The following RUNX2 variants were observed in gnomAD, a reference collection of about 807,000 sequenced individuals.
RUNX2 encodes runt-related transcription factor 2.
Under a neutral mutation model 51.7 loss-of-function variants are expected in RUNX2, and 10 were observed. The ratio of observed to expected loss-of-function variants is 0.19; its 90% CI spans 0.12 to 0.33. RUNX2 has a LOEUF of 0.33. Ranked by LOEUF, RUNX2 falls within the 10% of genes least tolerant of loss-of-function variation. The pLI is 1.00. For synonymous variants in RUNX2, 276 were observed against 273.6 expected (o/e 1.01, Z -0.09); for missense variants, 562 against 691.3 (o/e 0.81, Z 2.10).
chr6:45,414,501 T>C (rs1179331831), intron 2 of RUNX2, among the ~76,000 whole-genome samples: 1 of 152,160 alleles, frequency 6.6e-6, no homozygotes, highest in Non-Finnish European at 1.5e-5. Context: ...TGTAAGTCCG[T>C]CTAGTGGAGA....
chr6:45,395,897 C>A (rs550963871), intron 2 of RUNX2, among the ~76,000 whole-genome samples: 2 of 152,298 alleles, frequency 1.3e-5, no homozygotes, highest in Admixed American at 1.3e-4. Flanking sequence ...AACTCCTGGC[C>A]TCAAGTGATC....
At chr6:45,350,044 C>T (rs566290664) in intron 2 of RUNX2, among the ~76,000 whole-genome samples, 1 of 152,212 alleles carries the variant, frequency 6.6e-6, no homozygotes, top group South Asian at 2.1e-4. Context: ...TGTAAAGATA[C>T]ATACAATTAA....
chr6:45,456,791 A>G (rs1271998143), intron 5 of RUNX2, among the ~76,000 whole-genome samples: 1 of 152,238 alleles, frequency 6.6e-6, no homozygotes, highest in Non-Finnish European at 1.5e-5. Context: ...GTTTGTAATA[A>G]CATTGATGAC....
chr6:45,377,951 G>C (rs1177716504), intron 2 of RUNX2: 1 of 152,592 alleles, frequency 6.6e-6, no homozygotes, highest in African/African-American at 2.4e-5. Context: ...GCGATGGGGG[G>C]GGTACAAGAT....
intron 7 of RUNX2, among the ~76,000 whole-genome samples, chr6:45,531,814 T>A (rs1401719070): frequency 6.6e-6 from 1 of 152,172 alleles, no homozygotes; most frequent in Admixed American, 6.5e-5. Context: ...TAAAGCTACT[T>A]AAATTTTGCA....
chr6:45,499,006 T>C lies in RUNX2; in HGVS notation c.859+6892T>C, dbSNP rs551594670. On this transcript the variant is annotated intron_variant, in intron 6 of 8. Coordinates refer to ENST00000647337, the MANE Select transcript of RUNX2 (RefSeq NM_001024630.4). ...TGGATGGACCCATAAGAGGCTCAGA[T>C]ACTGTTGGTGAGCAGGAAGAATGAC... Among the ~76,000 whole-genome samples the C allele has an allele frequency of 1.7e-4, 26 of 152,274 alleles. No individual in the cohort carries two copies. In the East Asian group the frequency reaches 5.0e-3, roughly 29 times the overall value.
intron 6 of RUNX2, among the ~76,000 whole-genome samples, chr6:45,492,804 T>C (rs1030861372): frequency 6.6e-6 from 1 of 152,224 alleles, no homozygotes; most frequent in African/African-American, 2.4e-5. Context: ...AACAGATTTA[T>C]TTAAAGACTC....
chr6:45,416,899 G>C (rs1798078561), intron 2 of RUNX2, among the ~76,000 whole-genome samples: 1 of 152,114 alleles, frequency 6.6e-6, no homozygotes, highest in African/African-American at 2.4e-5. Flanking sequence ...CCTGAATATG[G>C]CCCTTGGGAA....
At chr6:45,492,782 C>G (rs1800522213) in intron 6 of RUNX2, among the ~76,000 whole-genome samples, 1 of 152,162 alleles carries the variant, frequency 6.6e-6, no homozygotes, top group Admixed American at 6.5e-5. Context: ...CTTTTTGTCC[C>G]ACTTGTGCAA....
At chr6:45,506,729 C>T (rs138566129) in intron 6 of RUNX2, among the ~76,000 whole-genome samples, 1 of 152,148 alleles carries the variant, frequency 6.6e-6, no homozygotes, top group African/African-American at 2.4e-5. Flanking sequence ...GACTCAGTGC[C>T]TCCCAGGCTC....
intron 2 of RUNX2, among the ~76,000 whole-genome samples, chr6:45,340,443 C>A (rs963869055): frequency 2.0e-5 from 3 of 152,070 alleles, no homozygotes; most frequent in Admixed American, 6.6e-5. Flanking sequence ...CCCGACTCAG[C>A]ATCCCAGGTA....
intron 7 of RUNX2, among the ~76,000 whole-genome samples, chr6:45,541,330 T>C (rs1802222275): frequency 6.6e-6 from 1 of 152,128 alleles, no homozygotes. Context: ...AAAAGAGTGA[T>C]ATAGAAAATA....
chr6:45,549,428 A>G lies in RUNX2; in HGVS notation c.*2123A>G. ...TTCATCCTGACTCCTTCTAATAAAA[A>G]TGGATGGGAAAGCAAAACACTTTGC... On this transcript the variant is annotated 3_prime_UTR_variant, in exon 9 of 9. Coordinates refer to ENST00000647337, the MANE Select transcript of RUNX2 (RefSeq NM_001024630.4). 2.5e-6 allele frequency: 1 copy of G among 398,476 alleles called. No homozygotes were observed. The highest frequency in any genetic ancestry group is 4.4e-6 in the Non-Finnish European group (1 of 226,014). 24.7% of individuals were successfully genotyped at this position (398,476 alleles called of 1,614,324 possible).
chr6:45,512,689 A>G (rs1801198456), intron 7 of RUNX2, among the ~76,000 whole-genome samples: 1 of 152,112 alleles, frequency 6.6e-6, no homozygotes, highest in Non-Finnish European at 1.5e-5. Flanking sequence ...TTTGGTGGGC[A>G]CTGTCTCATA....
rs56187850 is a variant in RUNX2, at chr6:45,394,951, G to T, written c.59-27642G>T. Among the ~76,000 whole-genome samples, 1,006 of 152,216 alleles carry T rather than the reference G, an allele frequency of 6.6e-3. 9 individuals carry two copies. The highest frequency in any genetic ancestry group is 0.01 in the Non-Finnish European group (704 of 68,016). Reference sequence around the variant, plus strand: ...CTCCTGGAGGTAAAACTCAGGAATGGGTGTGTGTGGGGGGGAGGCAAGACT... The same window carrying T: ...CTCCTGGAGGTAAAACTCAGGAATGTGTGTGTGTGGGGGGGAGGCAAGACT... On this transcript the variant is annotated intron_variant, in intron 2 of 8. Coordinates refer to ENST00000647337, the MANE Select transcript of RUNX2 (RefSeq NM_001024630.4).
At chr6:45,488,716 G>GA (rs35441607) in intron 5 of RUNX2, among the ~76,000 whole-genome samples, 55,549 of 152,048 alleles carry the variant, frequency 0.37, 10,355 homozygotes, top group African/African-American at 0.43. Context: ...GATTCAGGGA[G>GA]AAGTTCAGCT....
At chr6:45,363,341 T>C (rs1162748161) in intron 2 of RUNX2, among the ~76,000 whole-genome samples, 3 of 152,204 alleles carry the variant, frequency 2.0e-5, no homozygotes, top group Non-Finnish European at 4.4e-5. Flanking sequence ...ATAAATACTA[T>C]AAATTTTGAA....
chr6:45,483,808 G>A (rs1479996900), intron 5 of RUNX2, among the ~76,000 whole-genome samples: 1 of 152,156 alleles, frequency 6.6e-6, no homozygotes, highest in Non-Finnish European at 1.5e-5. Context: ...CCAAGTGGAG[G>A]GGACAGCTTG....
chr6:45,509,062 A>G (rs1438334910), intron 6 of RUNX2, among the ~76,000 whole-genome samples: 1 of 152,160 alleles, frequency 6.6e-6, no homozygotes, highest in Admixed American at 6.5e-5. Context: ...TTTTCCATTT[A>G]CCATATATTA....
Sources: allele counts gnomAD v4.1 joint callset (sites outside exome capture counted in the v4.1 genomes callset), GRCh38; gene constraint gnomAD v4.1.1; transcripts MANE v1.5; gene names NCBI Gene and HGNC (gene_info 2026-07-23, HGNC 2026-07-21).